Variants in MIDEAS observed in about 807,000 individuals in gnomAD.
MIDEAS encodes mitotic deacetylase-associated SANT domain protein.
A neutral mutation model predicts 102.7 loss-of-function variants in MIDEAS; 26 were observed. The observed-to-expected ratio is 0.25, with a 90% CI of 0.19 to 0.35. The LOEUF is 0.35. Ranked by LOEUF, MIDEAS falls within the 10% of genes least tolerant of loss-of-function variation. MIDEAS has a pLI of 1.00. For missense variants in MIDEAS, 1,231 were observed against 1,435.6 expected, an observed-to-expected ratio of 0.86 and a Z score of 2.30; for synonymous variants, 585 against 591.0, an observed-to-expected ratio of 0.99 and a Z score of 0.15.
In MIDEAS at chr14:73,725,152, G is replaced by GCTA; in HGVS notation, c.2574+117_2574+119dup. Reference sequence around the variant, plus strand: ...TATTGTTTAGGAAATTCTCTCTGAGGCTACTCAGTAGCATTGACCTGACTG... The same window carrying GCTA: ...TATTGTTTAGGAAATTCTCTCTGAGGCTACTACTCAGTAGCATTGACCTGACTG... On this transcript the variant is annotated intron_variant, in intron 9 of 12. Transcript: ENST00000423556. This position sits in a 1 kb window ranked among gnomAD's most constrained non-coding sequence, Gnocchi z 4.1. 1 of 736,128 alleles carries GCTA rather than the reference G, an allele frequency of 1.4e-6. No individual in the cohort carries two copies. The highest frequency in any genetic ancestry group is 2.5e-6 in the Non-Finnish European group (1 of 406,920). The allele number at this position is 736,128 out of a possible 1,614,324, so 45.6% of individuals were successfully genotyped here.
rs769287419 is a variant in MIDEAS, at chr14:73,739,836, G to A, written c.173C>T (p.Thr58Ile). The A allele has an allele frequency of 5.6e-6, 9 of 1,608,368 alleles. No individual in the cohort carries two copies. In the Admixed American group the frequency reaches 1.5e-4, roughly 27 times the overall value. ...GHEGPGGAVSTSQPVELPPPS... is the reference protein window; with the variant it reads ...GHEGPGGAVSISQPVELPPPS... ...AGGGGGCAGTTCCACAGGCTGAGAGGTGGAGACTGCCCCTCCTGGACCCTC... is the reference window on the plus strand; with the variant it reads ...AGGGGGCAGTTCCACAGGCTGAGAGATGGAGACTGCCCCTCCTGGACCCTC... Residue 58 changes from threonine to isoleucine, a missense_variant, in exon 2 of 13, where the codon ACC becomes ATC. Coordinates refer to ENST00000423556, the MANE Select transcript of MIDEAS (RefSeq NM_001367710.1).
chr14:73,733,279 T>C (rs1297499392), intron 3 of MIDEAS, among the ~76,000 whole-genome samples: 3 of 151,884 alleles, frequency 2.0e-5, no homozygotes, highest in Non-Finnish European at 2.9e-5. Flanking sequence ...AATCATCTCA[T>C]TTCAACCTCT....
Position 73,718,067 on chromosome 14 carries a change from G to A in MIDEAS, c.*776C>T, listed in dbSNP as rs761200518. The A allele has an allele frequency of 2.0e-5, 3 of 152,492 alleles. No individual in the cohort carries two copies. Among genetic ancestry groups the A allele is most frequent in the Non-Finnish European group, 4.4e-5 (3 of 68,212 alleles). The allele number at this position is 152,492 out of a possible 1,614,324, so 9.4% of individuals were successfully genotyped here. A position where few individuals can be genotyped will look rare whatever the true frequency, so the allele number is the denominator to read the frequency against. On this transcript the variant is annotated 3_prime_UTR_variant, in exon 13 of 13. Transcript: ENST00000423556. ...AGCCAGGCTTGTCAAAAGCTCTCTC[G>A]GGCCTAACCCTGCAGCTTCCAGCCT...
chr14:73,745,970 C>A (rs1229016034), intron 1 of MIDEAS, among the ~76,000 whole-genome samples: 1 of 152,232 alleles, frequency 6.6e-6, no homozygotes, highest in Non-Finnish European at 1.5e-5. Flanking sequence ...CCCAGGCCAA[C>A]AGGCCAGAGA....
In MIDEAS at chr14:73,719,012, C is replaced by T; in HGVS notation, c.3135-4G>A. On this transcript the variant is annotated splice_polypyrimidine_tract_variant and splice_region_variant and intron_variant, in intron 12 of 12. Coordinates refer to ENST00000423556, the MANE Select transcript of MIDEAS (RefSeq NM_001367710.1). ...GCTCTTCACCTTGTAAAACACCCTG[C>T]AGCCGGGTGGGGGTTGCTCAGAACC... 1.4e-6 allele frequency: 2 copies of T among 1,474,976 alleles called. No individual in the cohort carries two copies. The highest frequency in any genetic ancestry group is 1.8e-6 in the Non-Finnish European group (2 of 1,120,786). 91.4% of individuals were successfully genotyped at this position (1,474,976 alleles called of 1,614,324 possible).
intron 1 of MIDEAS, among the ~76,000 whole-genome samples, chr14:73,765,629 G>A (rs559985532): frequency 6.6e-6 from 1 of 152,192 alleles, no homozygotes; most frequent in African/African-American, 2.4e-5. Context: ...ATCTGGCTCT[G>A]CCCCACTTCC....
intron 4 of MIDEAS, 68 bp from the exon 5 acceptor site, chr14:73,727,592 C>A (rs1802440646): frequency 6.9e-7 from 1 of 1,448,758 alleles, no homozygotes; most frequent in Non-Finnish European, 9.4e-7. Flanking sequence ...ATCCTAGTGG[C>A]TGCCCTGTAT....
At position 73,742,125 on chromosome 14, in the gene MIDEAS, AG is replaced by A. The variant is rs2053288783; in HGVS notation, c.-247-1871del. Among the ~76,000 whole-genome samples the A allele has an allele frequency of 6.6e-6, 1 of 152,232 alleles. No homozygotes were observed. Among genetic ancestry groups the A allele is most frequent in the South Asian group, 2.1e-4 (1 of 4,822 alleles). On this transcript the variant is annotated intron_variant, in intron 1 of 12. Transcript: ENST00000423556. This position sits in a 1 kb window ranked among gnomAD's most constrained non-coding sequence, Gnocchi z 4.4. ...GGGACTGTCTGGCTCCGCCTCTCCGAGGGAACATCAAGCCCACAGAACTAGA... is the reference window on the plus strand; with the variant it reads ...GGGACTGTCTGGCTCCGCCTCTCCGAGGAACATCAAGCCCACAGAACTAGA...
At chr14:73,724,244 C>T (rs2053032398) in intron 9 of MIDEAS, 3 of 152,318 alleles carry the variant, frequency 2.0e-5, no homozygotes, top group South Asian at 4.1e-4. Flanking sequence ...CAGGCTCGCA[C>T]ATTGCTCAGC....
At chr14:73,783,469 G>A (rs1161811074) in intron 1 of MIDEAS, among the ~76,000 whole-genome samples, 2 of 152,180 alleles carry the variant, frequency 1.3e-5, no homozygotes, top group Admixed American at 6.5e-5. Context: ...GAGGAGCAAA[G>A]GTCAGACCCC....
intron 1 of MIDEAS, among the ~76,000 whole-genome samples, chr14:73,772,024 T>C (rs904025817): frequency 1.6e-4 from 25 of 152,292 alleles, no homozygotes; most frequent in African/African-American, 6.0e-4. Flanking sequence ...GCTGGTTCCA[T>C]GAAAACGCAG....
chr14:73,763,127 G>C (rs911144628), upstream of MIDEAS, among the ~76,000 whole-genome samples: 4 of 152,108 alleles, frequency 2.6e-5, no homozygotes, highest in Admixed American at 1.3e-4. Flanking sequence ...CTTGAGCGCA[G>C]GAGTTTAGAG....
rs753893525 is a variant in MIDEAS at position 73,730,004 on chromosome 14, C to G, written c.1750-19G>C. The G allele has an allele frequency of 1.2e-6, 2 of 1,603,604 alleles. No individual in the cohort carries two copies. Among genetic ancestry groups the G allele is most frequent in the Non-Finnish European group, 1.7e-6 (2 of 1,173,040 alleles). Reference sequence around the variant, plus strand: ...CCTCTGCCTGGAGAAGGAAAGAAAACAAGGACGGCTCAGCCCCCCGTGTCC... The same window carrying G: ...CCTCTGCCTGGAGAAGGAAAGAAAAGAAGGACGGCTCAGCCCCCCGTGTCC... On this transcript the variant is annotated intron_variant, in intron 3 of 12. Coordinates refer to ENST00000423556, the MANE Select transcript of MIDEAS (RefSeq NM_001367710.1).
At position 73,721,298 on chromosome 14, in the gene MIDEAS, G is replaced by A. The variant is rs367637105; in HGVS notation, c.2936C>T (p.Ser979Leu). ...KATQTLQANE[S>L]ASDILILRSH... ...TCAGCCCATGGTGGTCACACTCACC[G>A]ACTCATTGGCCTGTAGTGTCTGCGT... Residue 979 changes from serine to leucine, a missense_variant and splice_region_variant, in exon 11 of 13, where the codon TCG becomes TTG. This residue lies in a region of MIDEAS where 391 missense variants were observed against 483.0 expected (regional missense o/e 0.81). Coordinates refer to ENST00000423556, the MANE Select transcript of MIDEAS (RefSeq NM_001367710.1). 9.2e-5 allele frequency: 148 copies of A among 1,612,068 alleles called. No individual in the cohort carries two copies. The highest frequency in any genetic ancestry group is 2.1e-4 in the South Asian group (19 of 91,084).
chr14:73,764,957 C>T (rs971380751), upstream of MIDEAS, among the ~76,000 whole-genome samples: 2 of 152,228 alleles, frequency 1.3e-5, no homozygotes, highest in Non-Finnish European at 2.9e-5. Flanking sequence ...GACGTCTGGC[C>T]GGGTGTAGGG....
At chr14:73,782,309 A>G (rs927634273) in intron 1 of MIDEAS, among the ~76,000 whole-genome samples, 1 of 152,126 alleles carries the variant, frequency 6.6e-6, no homozygotes, top group African/African-American at 2.4e-5. Flanking sequence ...CTATTTGGGC[A>G]AAACAAGCAT....
chr14:73,763,466 T>G (rs1249985442), upstream of MIDEAS, among the ~76,000 whole-genome samples: 1 of 152,182 alleles, frequency 6.6e-6, no homozygotes, highest in Non-Finnish European at 1.5e-5. Flanking sequence ...CTTCCTCCAA[T>G]AAGTCTGCAG....
chr14:73,725,122 T>C lies in MIDEAS; in HGVS notation c.2574+150A>G. On this transcript the variant is annotated intron_variant, in intron 9 of 12. Coordinates refer to ENST00000423556, the MANE Select transcript of MIDEAS (RefSeq NM_001367710.1). This position sits in a 1 kb window ranked among gnomAD's most constrained non-coding sequence, Gnocchi z 4.1. ...GGGAAAAGAGACCTATCTTTCTCTT[T>C]CTTGTATTGTTTAGGAAATTCTCTC... 1.5e-6 allele frequency: 1 copy of C among 668,072 alleles called. No homozygotes were observed. The highest frequency in any genetic ancestry group is 2.2e-5 in the Admixed American group (1 of 44,814). The allele number at this position is 668,072 out of a possible 1,614,324, so 41.4% of individuals were successfully genotyped here. A position where few individuals can be genotyped will look rare whatever the true frequency, so the allele number is the denominator to read the frequency against.
At chr14:73,755,478 C>A (rs1419159758) in intron 1 of MIDEAS, among the ~76,000 whole-genome samples, 1 of 152,260 alleles carries the variant, frequency 6.6e-6, no homozygotes, top group Non-Finnish European at 1.5e-5. Context: ...ACCCAAACCT[C>A]CTGCGAGGTC....
Sources: allele counts gnomAD v4.1 joint callset (sites outside exome capture counted in the v4.1 genomes callset), GRCh38; gene constraint gnomAD v4.1.1; regional missense constraint gnomAD v4.1.1; non-coding constraint Gnocchi (gnomAD v3.1); transcripts MANE v1.5; gene names NCBI Gene and HGNC (gene_info 2026-07-23, HGNC 2026-07-21).